NELL1: variants seen among roughly 807,000 people sequenced by gnomAD.
NELL1 encodes protein kinase C-binding protein NELL1.
In NELL1, 76 loss-of-function variants were observed where a neutral mutation model predicts 107.4. The ratio of observed to expected loss-of-function variants is 0.71; its 90% confidence interval spans 0.59 to 0.86. The LOEUF (loss-of-function observed/expected upper bound fraction) is 0.86. Ranked by LOEUF, NELL1 falls within the 40% of genes least tolerant of loss-of-function variation. NELL1 has a pLI of 0.00. For synonymous variants in NELL1, 353 were observed against 341.2 expected, an observed-to-expected ratio of 1.03 and a Z score of -0.38; for missense variants, 1,024 against 1,005.5, an observed-to-expected ratio of 1.02 and a Z score of -0.25.
At chr11:21,068,205 A>T (rs926844455) in intron 12 of NELL1, among the ~76,000 whole-genome samples, 3 of 152,130 alleles carry the variant, frequency 2.0e-5, no homozygotes, top group East Asian at 3.9e-4. Flanking sequence ...GTCTTTGTGC[A>T]AGAAGGGGCC....
At chr11:20,737,684 C>T (rs147808001) in intron 2 of NELL1, among the ~76,000 whole-genome samples, 1 of 152,026 alleles carries the variant, frequency 6.6e-6, no homozygotes, top group South Asian at 2.1e-4. Flanking sequence ...TTATACATCT[C>T]CTACTACTAG....
intron 2 of NELL1, among the ~76,000 whole-genome samples, chr11:20,712,314 T>A (rs1046060171): frequency 1.3e-5 from 2 of 152,122 alleles, no homozygotes; most frequent in African/African-American, 4.8e-5. Flanking sequence ...TAATTTTTTT[T>A]ATGGTATCTA....
intron 3 of NELL1, among the ~76,000 whole-genome samples, chr11:20,831,627 C>G (rs1858011454): frequency 6.6e-6 from 1 of 152,126 alleles, no homozygotes; most frequent in Non-Finnish European, 1.5e-5. Context: ...GTTTTATTGA[C>G]AGTGAGAGAA....
chr11:21,250,723 A>T (rs991092825), intron 14 of NELL1, among the ~76,000 whole-genome samples: 3 of 152,216 alleles, frequency 2.0e-5, no homozygotes, highest in Admixed American at 6.5e-5. Flanking sequence ...GCAGATTATA[A>T]ATGTTGGGAA....
intron 14 of NELL1, among the ~76,000 whole-genome samples, chr11:21,325,578 A>G (rs889030218): frequency 2.0e-5 from 3 of 151,862 alleles, no homozygotes; most frequent in South Asian, 2.1e-4. Flanking sequence ...CCCCATTTCT[A>G]TACTGGTCCT....
intron 3 of NELL1, among the ~76,000 whole-genome samples, chr11:20,822,036 AG>A (rs1393427158): frequency 1.3e-5 from 2 of 152,232 alleles, no homozygotes; most frequent in Admixed American, 1.3e-4. Context: ...GTGCTTAATC[AG>A]GCCACTGTGT....
At chr11:20,989,870 G>T (rs9804480) in intron 12 of NELL1, among the ~76,000 whole-genome samples, 19,476 of 151,724 alleles carry the variant, frequency 0.13, 1,450 homozygotes, top group East Asian at 0.25. Flanking sequence ...GGTGGCGGGC[G>T]CCTGTAGTCC....
intron 15 of NELL1, among the ~76,000 whole-genome samples, chr11:21,448,062 A>C (rs1853483421): frequency 6.6e-6 from 1 of 152,194 alleles, no homozygotes; most frequent in South Asian, 2.1e-4. Context: ...CCACGTAGCC[A>C]CTGCCAGGGA....
rs529618043 is a variant in NELL1, at chr11:21,294,664, G to C, written c.1549+65210G>C. Among the ~76,000 whole-genome samples the C allele has an allele frequency of 2.2e-4, 34 of 151,950 alleles. No homozygotes were observed. In the South Asian group the frequency reaches 4.6e-3, roughly 20 times the overall value. ...TGATTTTATGGTTGAGAAAACTGAG[G>C]GACAAAGGTGTTAAGAAATTTACCT... On this transcript the variant is annotated intron_variant, in intron 14 of 19. Coordinates refer to ENST00000357134, the MANE Select transcript of NELL1 (RefSeq NM_006157.5).
chr11:21,070,163 G>T (rs1329197164), intron 12 of NELL1, among the ~76,000 whole-genome samples: 1 of 151,636 alleles, frequency 6.6e-6, no homozygotes, highest in Non-Finnish European at 1.5e-5. Flanking sequence ...CCAAACATAT[G>T]CTGACAGTGA....
intron 14 of NELL1, among the ~76,000 whole-genome samples, chr11:21,367,975 G>C (rs921282846): frequency 3.9e-5 from 6 of 152,030 alleles, no homozygotes; most frequent in Non-Finnish European, 7.4e-5. Flanking sequence ...TGAGTTCATA[G>C]TCAATCAAGA....
Position 20,755,563 on chromosome 11 carries a change from T to TTATTTATTTA in NELL1, c.185-28116_185-28115insATTTATTTAT, listed in dbSNP as rs1937303056. Among the ~76,000 whole-genome samples, 4 of 19,114 alleles carry TTATTTATTTA rather than the reference T, an allele frequency of 2.1e-4. No homozygotes were observed. The East Asian group carries it at 4.8e-3, about 23-fold the overall frequency. 12.5% of individuals were successfully genotyped at this position (19,114 alleles called of 152,430 possible). ...TTGTTTTTTTTTGTTTTTGTTTTTG[T>TTATTTATTTA]TTTTTTTTTTTTGAGACAGAATCTG... On this transcript the variant is annotated intron_variant, in intron 2 of 19. Coordinates refer to ENST00000357134, the MANE Select transcript of NELL1 (RefSeq NM_006157.5).
At chr11:21,359,912 ATTTTGTTTATC>A (rs1021947799) in intron 14 of NELL1, among the ~76,000 whole-genome samples, 1 of 151,876 alleles carries the variant, frequency 6.6e-6, no homozygotes, top group African/African-American at 2.4e-5. Flanking sequence ...TGTTCTATCA[ATTTTGTTTATC>A]TTTTCAAGAA....
At chr11:20,736,582 C>T (rs1223747298) in intron 2 of NELL1, among the ~76,000 whole-genome samples, 3 of 152,104 alleles carry the variant, frequency 2.0e-5, no homozygotes, top group Non-Finnish European at 2.9e-5. Context: ...TCTTTATTGT[C>T]CATTGTCTAA....
At chr11:21,049,191 C>T (rs549972369) in intron 12 of NELL1, among the ~76,000 whole-genome samples, 11 of 152,176 alleles carry the variant, frequency 7.2e-5, no homozygotes, top group East Asian at 3.9e-4. Flanking sequence ...AATCCTATTC[C>T]GACAGAGGCA....
chr11:20,898,669 C>T (rs993440336), intron 5 of NELL1, among the ~76,000 whole-genome samples: 13 of 150,128 alleles, frequency 8.7e-5, no homozygotes, highest in African/African-American at 3.2e-4. Context: ...TGCTATTTCA[C>T]TGTGGTTTTA....
At chr11:21,255,005 T>C (rs1175873197) in intron 14 of NELL1, among the ~76,000 whole-genome samples, 1 of 152,058 alleles carries the variant, frequency 6.6e-6, no homozygotes, top group East Asian at 1.9e-4. Context: ...ATGACAGACA[T>C]GCTGGGCTAG....
chr11:20,860,739 C>T (rs1212535545), intron 4 of NELL1, among the ~76,000 whole-genome samples: 1 of 152,202 alleles, frequency 6.6e-6, no homozygotes, highest in East Asian at 1.9e-4. Context: ...GTCTGATTAA[C>T]AGCACAAGGT....
chr11:21,122,776 A>T (rs1377950452), intron 13 of NELL1, among the ~76,000 whole-genome samples: 1 of 152,212 alleles, frequency 6.6e-6, no homozygotes, highest in Admixed American at 6.6e-5. Context: ...CAGCGTACGT[A>T]TATCAGTTTG....
Sources: allele counts gnomAD v4.1 joint callset (sites outside exome capture counted in the v4.1 genomes callset), GRCh38; gene constraint gnomAD v4.1.1; transcripts MANE v1.5; gene names NCBI Gene and HGNC (gene_info 2026-07-23, HGNC 2026-07-21).